Variants in DUSP16 observed in about 807,000 individuals in gnomAD.
The protein encoded by DUSP16 is dual specificity phosphatase 16, also known as dual specificity protein phosphatase 16.
Under a neutral mutation model 58.3 loss-of-function variants are expected in DUSP16, and 21 were observed. The observed-to-expected ratio is 0.36, with a 90% confidence interval of 0.26 to 0.52. The LOEUF is 0.52. Among genes scored for constraint, DUSP16 ranks in the 20% least tolerant of loss-of-function variants. DUSP16 has a pLI of 0.94. For synonymous variants in DUSP16, 320 were observed against 323.8 expected, an observed-to-expected ratio of 0.99 and a Z score of 0.12; for missense variants, 726 against 819.0, an observed-to-expected ratio of 0.89 and a Z score of 1.39.
At chr12:12,560,049 CACTT>C (rs1308012957) in intron 1 of DUSP16, among the ~76,000 whole-genome samples, 9 of 152,272 alleles carry the variant, frequency 5.9e-5, no homozygotes, top group Admixed American at 3.3e-4. Flanking sequence ...TATAGGTACA[CACTT>C]ACAATCACCA....
chr12:12,549,441 C>T (rs1477057519), intron 1 of DUSP16, among the ~76,000 whole-genome samples: 2 of 152,182 alleles, frequency 1.3e-5, no homozygotes, highest in Non-Finnish European at 2.9e-5. Context: ...AGTCTTCCTC[C>T]GTGCCCTCCA....
chr12:12,498,555 CAGG>C (rs760404727), intron 4 of DUSP16, among the ~76,000 whole-genome samples: 3 of 152,034 alleles, frequency 2.0e-5, no homozygotes, highest in Non-Finnish European at 4.4e-5. Flanking sequence ...GCTGGAACTA[CAGG>C]CTAGGGCCAC....
intron 1 of DUSP16, among the ~76,000 whole-genome samples, chr12:12,547,646 T>TA (rs932750577): frequency 5.3e-5 from 8 of 150,434 alleles, no homozygotes; most frequent in East Asian, 2.0e-4. Context: ...ACAGCAGCAT[T>TA]AAAAAAACAA....
At chr12:12,559,027 G>A (rs1399843145) in intron 1 of DUSP16, among the ~76,000 whole-genome samples, 3 of 152,074 alleles carry the variant, frequency 2.0e-5, no homozygotes, top group African/African-American at 7.2e-5. Context: ...TCTTCTTAAA[G>A]CCTGAGCCTG....
At chr12:12,511,524 G>A (rs1352654979) in intron 3 of DUSP16, among the ~76,000 whole-genome samples, 3 of 151,870 alleles carry the variant, frequency 2.0e-5, no homozygotes. Flanking sequence ...CTCAGAATGC[G>A]CAGAACCCTC....
intron 3 of DUSP16, among the ~76,000 whole-genome samples, chr12:12,511,555 C>T (rs1415939801): frequency 1.3e-5 from 2 of 152,134 alleles, no homozygotes; most frequent in Non-Finnish European, 2.9e-5. Context: ...TCTTACTCCT[C>T]ATCTTTCAAG....
At chr12:12,501,982 T>G (rs1302110305) in intron 3 of DUSP16, among the ~76,000 whole-genome samples, 1 of 151,952 alleles carries the variant, frequency 6.6e-6, no homozygotes, top group Non-Finnish European at 1.5e-5. Context: ...AGAGCAACAC[T>G]CCGTCTCAAA....
intron 1 of DUSP16, among the ~76,000 whole-genome samples, chr12:12,548,942 C>G (rs1241092401): frequency 6.6e-6 from 1 of 152,072 alleles, no homozygotes; most frequent in African/African-American, 2.4e-5. Context: ...CTATGAAAAG[C>G]AGAGACTAGG....
rs1295213672 is a variant in DUSP16 at position 12,558,388 on chromosome 12, T to G, written c.-366+3729A>C. 9.8e-5 allele frequency among the ~76,000 whole-genome samples: 13 copies of G among 132,138 alleles called. No individual in the cohort carries two copies. The East Asian group carries it at 2.5e-3, about 25-fold the overall frequency. 86.7% of individuals were successfully genotyped at this position (132,138 alleles called of 152,430 possible). A position where few individuals can be genotyped will look rare whatever the true frequency, so the allele number is the denominator to read the frequency against. The stretch of plus-strand genomic sequence containing the variant: ...ATCACTATCCCTCAAGATTATATGT[T>G]TTTTTTTTTTTGATACACTGTCTTG... On this transcript the variant is annotated intron_variant, in intron 1 of 6. Transcript: ENST00000298573.
At chr12:12,535,493 T>G (rs1273723460) in intron 1 of DUSP16, among the ~76,000 whole-genome samples, 1 of 152,218 alleles carries the variant, frequency 6.6e-6, no homozygotes, top group East Asian at 1.9e-4. Context: ...TCTATAATTC[T>G]GGGTGTAATG....
At chr12:12,555,473 T>C (rs895553592) in intron 1 of DUSP16, among the ~76,000 whole-genome samples, 2 of 152,226 alleles carry the variant, frequency 1.3e-5, no homozygotes, top group East Asian at 3.8e-4. Flanking sequence ...ACTGTGTATT[T>C]AAAAACTAGT....
chr12:12,520,606 T>A (rs982144238), intron 2 of DUSP16, among the ~76,000 whole-genome samples: 2 of 152,224 alleles, frequency 1.3e-5, no homozygotes, highest in African/African-American at 2.4e-5. Context: ...TAGAATAGTG[T>A]TTAATAAAAT....
chr12:12,561,716 C>A (rs1166063414), intron 1 of DUSP16, among the ~76,000 whole-genome samples: 1 of 152,142 alleles, frequency 6.6e-6, no homozygotes, highest in East Asian at 1.9e-4. Context: ...GTGTAACAGT[C>A]GCGCCTGGAA....
At chr12:12,511,417 T>C (rs905110669) in intron 3 of DUSP16, among the ~76,000 whole-genome samples, 1 of 152,078 alleles carries the variant, frequency 6.6e-6, no homozygotes, top group African/African-American at 2.4e-5. Flanking sequence ...TCCTCTCAAT[T>C]CCCATTTCTC....
chr12:12,502,132 G>A (rs539394227), intron 3 of DUSP16, among the ~76,000 whole-genome samples: 1 of 152,328 alleles, frequency 6.6e-6, no homozygotes, highest in Non-Finnish European at 1.5e-5. Flanking sequence ...TATTGTATTA[G>A]ACTTTCTCCC....
Position 12,474,277 on chromosome 12 carries a change from A to G in DUSP16, c.*2556T>C, listed in dbSNP as rs1555161159. The stretch of plus-strand genomic sequence containing the variant: ...ATTTAATCATTTCATACATTAACAT[A>G]CATGACACATCAAAATGAGAAATGC... On this transcript the variant is annotated 3_prime_UTR_variant, in exon 7 of 7. Coordinates refer to ENST00000298573, the MANE Select transcript of DUSP16 (RefSeq NM_030640.3). The G allele has an allele frequency of 6.6e-6, 1 of 152,252 alleles. No homozygotes were observed. The highest frequency in any genetic ancestry group is 1.5e-5 in the Non-Finnish European group (1 of 68,042). The allele number at this position is 152,252 out of a possible 1,614,324, so 9.4% of individuals were successfully genotyped here. A position where few individuals can be genotyped will look rare whatever the true frequency, so the allele number is the denominator to read the frequency against.
chr12:12,528,214 A>G (rs1285015097), intron 1 of DUSP16, among the ~76,000 whole-genome samples: 1 of 151,824 alleles, frequency 6.6e-6, no homozygotes, highest in Non-Finnish European at 1.5e-5. Context: ...TATGTATCCT[A>G]GACACACTCC....
intron 3 of DUSP16, among the ~76,000 whole-genome samples, chr12:12,512,644 T>A (rs554880165): frequency 1.7e-3 from 254 of 152,282 alleles, no homozygotes; most frequent in Middle Eastern, 3.4e-3. Flanking sequence ...TGCAAAATGG[T>A]AGGATTTCCT....
chr12:12,522,229 T>G (rs531226225), intron 1 of DUSP16, among the ~76,000 whole-genome samples: 13 of 152,312 alleles, frequency 8.5e-5, no homozygotes, highest in African/African-American at 2.4e-4. Context: ...CTTAAGGCCC[T>G]GTAAGCTTAT....
Sources: gnomAD v4.1 joint callset for allele counts (sites outside exome capture counted in the v4.1 genomes callset) on GRCh38, gnomAD v4.1.1 for gene constraint, MANE v1.5 for transcripts, NCBI Gene and HGNC (gene_info 2026-07-23, HGNC 2026-07-21) for gene names.